CHCHD3: variants seen among roughly 807,000 people sequenced by gnomAD.
CHCHD3 encodes the protein MICOS complex subunit MIC19.
Under a neutral mutation model 38.2 loss-of-function variants are expected in CHCHD3, and 20 were observed. The observed-to-expected ratio is 0.52, with a 90% CI of 0.37 to 0.76. The LOEUF is 0.76. Ranked by LOEUF, CHCHD3 falls within the 30% of genes least tolerant of loss-of-function variation. The pLI is 0.00. For synonymous variants in CHCHD3, 82 were observed against 100.0 expected (o/e 0.82, Z 1.07); for missense variants, 245 against 279.2 (o/e 0.88, Z 0.87).
At chr7:133,030,728 C>G (rs987853932) in intron 2 of CHCHD3, among the ~76,000 whole-genome samples, 3 of 152,126 alleles carry the variant, frequency 2.0e-5, no homozygotes, top group Non-Finnish European at 4.4e-5. Flanking sequence ...TTCTCAGAAA[C>G]CATTTTAATT....
chr7:132,819,841 C>CG (rs890436948), intron 6 of CHCHD3, among the ~76,000 whole-genome samples: 2 of 152,174 alleles, frequency 1.3e-5, no homozygotes, highest in Non-Finnish European at 2.9e-5. Context: ...GGCTGTGCTG[C>CG]GGGGGCAGCG....
intron 6 of CHCHD3, among the ~76,000 whole-genome samples, chr7:132,836,068 T>C (rs764003774): frequency 2.0e-5 from 3 of 152,172 alleles, no homozygotes; most frequent in Admixed American, 6.5e-5. Context: ...CTGTGGTACT[T>C]TGCAGTACTG....
chr7:132,855,277 T>C (rs897422989), intron 5 of CHCHD3, among the ~76,000 whole-genome samples: 130 of 152,152 alleles, frequency 8.5e-4, no homozygotes, highest in African/African-American at 3.0e-3. Flanking sequence ...ATTTATTTCT[T>C]AACCAAACCA....
intron 1 of CHCHD3, among the ~76,000 whole-genome samples, chr7:133,071,248 C>T (rs990526719): frequency 6.6e-6 from 1 of 152,162 alleles, no homozygotes; most frequent in African/African-American, 2.4e-5. Flanking sequence ...ATTTGGCTGT[C>T]CTATCGCTAT....
At chr7:132,852,327 A>T (rs1808239320) in intron 5 of CHCHD3, among the ~76,000 whole-genome samples, 1 of 152,170 alleles carries the variant, frequency 6.6e-6, no homozygotes, top group Non-Finnish European at 1.5e-5. Flanking sequence ...AGAGCTCCAA[A>T]CAGCTAACCA....
chr7:132,832,318 GAAAACCCCTCT>G (rs1382251633), intron 6 of CHCHD3, among the ~76,000 whole-genome samples: 1 of 152,062 alleles, frequency 6.6e-6, no homozygotes, highest in Non-Finnish European at 1.5e-5. Context: ...GGATAAAAGC[GAAAACCCCTCT>G]AAAATCTGGC....
chr7:132,868,522 A>G (rs1439994216), intron 5 of CHCHD3, among the ~76,000 whole-genome samples: 1 of 152,162 alleles, frequency 6.6e-6, no homozygotes, highest in Non-Finnish European at 1.5e-5. Flanking sequence ...CTTTAGTTTT[A>G]TAACGAAAAG....
intron 6 of CHCHD3, among the ~76,000 whole-genome samples, chr7:132,807,605 A>AT (rs1491361940): frequency 1.1e-4 from 9 of 81,134 alleles, no homozygotes; most frequent in African/African-American, 1.7e-4. Flanking sequence ...ACATACACAT[A>AT]AATATATATA....
chr7:132,977,080 T>C (rs1811785900), intron 3 of CHCHD3, among the ~76,000 whole-genome samples: 1 of 152,226 alleles, frequency 6.6e-6, no homozygotes. Flanking sequence ...ACAAGGACCA[T>C]ACAATAAATT....
At chr7:133,005,100 G>GA (rs1474947076) in intron 3 of CHCHD3, among the ~76,000 whole-genome samples, 1 of 152,082 alleles carries the variant, frequency 6.6e-6, no homozygotes, top group Non-Finnish European at 1.5e-5. Flanking sequence ...TTTTAAATAT[G>GA]AAAAAACTGA....
chr7:132,946,561 A>T (rs886475907), intron 4 of CHCHD3, among the ~76,000 whole-genome samples: 1 of 151,880 alleles, frequency 6.6e-6, no homozygotes, highest in African/African-American at 2.4e-5. Flanking sequence ...TAACTCCAAA[A>T]ATTTATATCC....
intron 4 of CHCHD3, among the ~76,000 whole-genome samples, chr7:132,929,123 T>C (rs1317797519): frequency 1.3e-5 from 2 of 152,230 alleles, no homozygotes; most frequent in Non-Finnish European, 2.9e-5. Context: ...ATAACTATCC[T>C]GGCTTTTCCC....
chr7:132,885,605 A>G, intron 5 of CHCHD3, 57 bp downstream of exon 5: 9 of 1,300,312 alleles, frequency 6.9e-6, no homozygotes, highest in Non-Finnish European at 9.5e-6. Flanking sequence ...TTTTTAAATA[A>G]ATATACAAGA....
At chr7:132,818,931 A>G (rs1157641998) in intron 6 of CHCHD3, among the ~76,000 whole-genome samples, 4 of 152,200 alleles carry the variant, frequency 2.6e-5, no homozygotes, top group Admixed American at 6.5e-5. Flanking sequence ...GCAATTAGCT[A>G]ATGTCCAACA....
intron 4 of CHCHD3, among the ~76,000 whole-genome samples, chr7:132,947,280 G>GCA: frequency 6.6e-6 from 1 of 151,892 alleles, no homozygotes; most frequent in East Asian, 1.9e-4. Context: ...GAAACAGGAG[G>GCA]CACTTTATCT....
chr7:132,909,633 C>T (rs565156189), intron 4 of CHCHD3, among the ~76,000 whole-genome samples: 1 of 152,260 alleles, frequency 6.6e-6, no homozygotes, highest in Non-Finnish European at 1.5e-5. Context: ...ATTATCACTC[C>T]CAACTTCACA....
At chr7:133,044,681 A>T (rs1337783691) in intron 2 of CHCHD3, among the ~76,000 whole-genome samples, 1 of 152,268 alleles carries the variant, frequency 6.6e-6, no homozygotes, top group Non-Finnish European at 1.5e-5. Flanking sequence ...TTTGTGAAAT[A>T]CAAAAAGACT....
At chr7:132,975,331 G>A (rs1447934024) in intron 3 of CHCHD3, 45 bp from the exon 4 acceptor site, 2 of 1,456,070 alleles carry the variant, frequency 1.4e-6, no homozygotes, top group East Asian at 2.3e-5. Flanking sequence ...TATTTTATTA[G>A]TTGACATTAT....
At chr7:132,969,938 C>T (rs1480262408) in intron 4 of CHCHD3, among the ~76,000 whole-genome samples, 1 of 152,172 alleles carries the variant, frequency 6.6e-6, no homozygotes, top group Non-Finnish European at 1.5e-5. Flanking sequence ...TCTCTTTATA[C>T]ACCCTCTCTT....
Sources: gnomAD v4.1 joint callset for allele counts (sites outside exome capture counted in the v4.1 genomes callset) on GRCh38, gnomAD v4.1.1 for gene constraint, MANE v1.5 for transcripts, NCBI Gene and HGNC (gene_info 2026-07-23, HGNC 2026-07-21) for gene names.